Variants in RNF38 observed in about 807,000 individuals in gnomAD.
RNF38 encodes the protein ring finger protein 38.
In RNF38, 15 loss-of-function variants were observed where a neutral mutation model predicts 67.2. That is an observed-to-expected ratio of 0.22 (90% CI 0.15 to 0.34). The LOEUF is 0.34. Ranked by LOEUF, RNF38 falls within the 10% of genes least tolerant of loss-of-function variation. RNF38 has a pLI of 1.00. For missense variants in RNF38, 524 were observed against 639.9 expected, an observed-to-expected ratio of 0.82 and a Z score of 1.95; for synonymous variants, 220 against 218.8, an observed-to-expected ratio of 1.01 and a Z score of -0.05.
At chr9:36,477,527 G>C (rs574061237) in intron 1 of RNF38, among the ~76,000 whole-genome samples, 4 of 151,422 alleles carry the variant, frequency 2.6e-5, no homozygotes, top group Non-Finnish European at 5.9e-5. Context: ...AAGTTTAAAA[G>C]GTTAGTGTAG....
At chr9:36,451,599 C>G (rs1839449380) in intron 1 of RNF38, among the ~76,000 whole-genome samples, 1 of 129,270 alleles carries the variant, frequency 7.7e-6, no homozygotes, top group Non-Finnish European at 1.6e-5. Flanking sequence ...CTCCCAGGTT[C>G]AAGCGATTCT....
At chr9:36,365,326 G>A (rs1834860573) in intron 4 of RNF38, among the ~76,000 whole-genome samples, 1 of 152,088 alleles carries the variant, frequency 6.6e-6, no homozygotes, top group Non-Finnish European at 1.5e-5. Context: ...CAGCACTTTG[G>A]GAGGCTGAGG....
intron 1 of RNF38, among the ~76,000 whole-genome samples, chr9:36,472,898 G>A (rs915640585): frequency 2.1e-5 from 1 of 47,704 alleles, no homozygotes; most frequent in East Asian, 6.3e-4. Flanking sequence ...CTGAGGTCAG[G>A]AGGTGGGTGG....
chr9:36,469,912 G>A (rs994969856), intron 1 of RNF38, among the ~76,000 whole-genome samples: 2 of 152,134 alleles, frequency 1.3e-5, no homozygotes, highest in African/African-American at 4.8e-5. Flanking sequence ...TGGGGAGATC[G>A]AGACTGCAGT....
At chr9:36,451,490 A>AGT (rs1839440133) in intron 1 of RNF38, among the ~76,000 whole-genome samples, 1 of 69,734 alleles carries the variant, frequency 1.4e-5, no homozygotes, top group Non-Finnish European at 2.7e-5. Flanking sequence ...AAATTGTAGT[A>AGT]GTTTTTTTTT....
Position 36,390,500 on chromosome 9 carries a change from A to G in RNF38, c.129T>C (p.Val43=), listed in dbSNP as rs1348046811. The G allele has an allele frequency of 1.2e-6, 2 of 1,613,930 alleles. No homozygotes were observed. Among genetic ancestry groups the G allele is most frequent in the African/African-American group, 2.7e-5 (2 of 75,046 alleles). The change falls in exon 2 of 12, where the codon GTT becomes GTC. Residue 43 remains valine (V), a synonymous_variant. Transcript: ENST00000259605. The part of the protein sequence containing the change: ...PLLPSDQNTT[V]QEDAHFKAFF... ...AAGCTTTGAAGTGAGCATCCTCTTG[A>G]ACGGTAGTGTTCTGATCACTTGGGA... is the stretch of plus-strand genomic sequence containing the variant.
At chr9:36,479,489 T>C (rs1840198788) in intron 1 of RNF38, among the ~76,000 whole-genome samples, 1 of 152,190 alleles carries the variant, frequency 6.6e-6, no homozygotes, top group Non-Finnish European at 1.5e-5. Context: ...AGGGCTTATC[T>C]TGGCAGATGG....
chr9:36,425,796 G>T (rs965569682), intron 1 of RNF38, among the ~76,000 whole-genome samples: 7 of 152,208 alleles, frequency 4.6e-5, no homozygotes, highest in Admixed American at 3.3e-4. Flanking sequence ...ACACGACTGT[G>T]GACCAAAGGC....
intron 1 of RNF38, among the ~76,000 whole-genome samples, chr9:36,434,186 A>G (rs780572151): frequency 2.1e-5 from 3 of 144,508 alleles, no homozygotes; most frequent in Non-Finnish European, 4.5e-5. Context: ...CAGTGAGCTG[A>G]GATCGTGCCA....
chr9:36,487,648 G>T, upstream of RNF38: 1 of 899,402 alleles, frequency 1.1e-6, no homozygotes, highest in Non-Finnish European at 1.3e-6. Flanking sequence ...AGCGGTGGCG[G>T]CGACGGAGGC....
intron 8 of RNF38, among the ~76,000 whole-genome samples, chr9:36,351,450 C>T (rs1587479592): frequency 6.6e-6 from 1 of 152,330 alleles, no homozygotes; most frequent in South Asian, 2.1e-4. Flanking sequence ...ATGTCACTTT[C>T]TCCTTAAAAT....
intron 4 of RNF38, among the ~76,000 whole-genome samples, chr9:36,359,403 T>A (rs1014487009): frequency 2.0e-5 from 3 of 152,168 alleles, no homozygotes; most frequent in Admixed American, 2.0e-4. Flanking sequence ...TTATTTTTGT[T>A]TATAAAGTAG....
intron 1 of RNF38, among the ~76,000 whole-genome samples, chr9:36,468,467 G>C (rs1166623799): frequency 6.6e-6 from 1 of 152,144 alleles, no homozygotes; most frequent in African/African-American, 2.4e-5. Context: ...GATGGATCTG[G>C]AGAGGTAAAG....
chr9:36,389,981 G>A (rs993969188), intron 2 of RNF38, among the ~76,000 whole-genome samples: 3 of 151,908 alleles, frequency 2.0e-5, no homozygotes, highest in African/African-American at 7.3e-5. Flanking sequence ...CCTTACTTTC[G>A]AGTTTTCATT....
intron 1 of RNF38, among the ~76,000 whole-genome samples, chr9:36,425,846 C>T (rs1346110150): frequency 2.6e-5 from 4 of 152,300 alleles, no homozygotes; most frequent in East Asian, 1.9e-4. Flanking sequence ...CACAGGCACA[C>T]GCCACCACGC....
At chr9:36,402,350 G>C (rs1188405525), upstream of RNF38, among the ~76,000 whole-genome samples, 1 of 151,882 alleles carries the variant, frequency 6.6e-6, no homozygotes, top group Non-Finnish European at 1.5e-5. Context: ...TTTTTTGTTT[G>C]TTTGTTTCAC....
rs768801585 is a variant in RNF38 at position 36,353,156 on chromosome 9, CTG to C, written c.1071+12_1071+13del. The stretch of plus-strand genomic sequence containing the variant: ...CAAAGCAAGTAATTAACATAGTACT[CTG>C]TGAAAACTTACTACTCCAAAGGACA... On this transcript the variant is annotated intron_variant, in intron 7 of 11. Transcript: ENST00000259605. The C allele has an allele frequency of 2.5e-6, 4 of 1,609,076 alleles. No individual in the cohort carries two copies. Among genetic ancestry groups the C allele is most frequent in the Non-Finnish European group, 3.4e-6 (4 of 1,175,628 alleles).
At chr9:36,484,888 C>G (rs546951477) in intron 1 of RNF38, among the ~76,000 whole-genome samples, 22 of 152,276 alleles carry the variant, frequency 1.4e-4, no homozygotes, top group African/African-American at 5.1e-4. Flanking sequence ...ATGTATTGGC[C>G]GGGCGCGGTG....
intron 1 of RNF38, among the ~76,000 whole-genome samples, chr9:36,453,406 G>A (rs1015601789): frequency 2.5e-4 from 37 of 146,130 alleles, no homozygotes; most frequent in Non-Finnish European, 2.8e-4. Context: ...TTTTTGAGAC[G>A]GAGTCTCACT....
Sources: allele counts gnomAD v4.1 joint callset (sites outside exome capture counted in the v4.1 genomes callset), GRCh38; gene constraint gnomAD v4.1.1; transcripts MANE v1.5; gene names NCBI Gene and HGNC (gene_info 2026-07-23, HGNC 2026-07-21).